Variants in CHCHD6 observed in about 807,000 individuals in gnomAD.
The protein encoded by CHCHD6 is MICOS complex subunit MIC25.
CHCHD6 carries 28 observed loss-of-function variants against 32.3 expected under a neutral mutation model. The ratio of observed to expected loss-of-function variants is 0.87; its 90% CI spans 0.64 to 1.19. CHCHD6 has a LOEUF of 1.19. Ranked by LOEUF, CHCHD6 falls within the 50% of genes most tolerant of loss-of-function variation. The probability of loss-of-function intolerance (pLI) is 0.00; values close to 1 mark genes in which losing one functional copy is unlikely to be tolerated. For missense variants in CHCHD6, 333 were observed against 307.0 expected, an observed-to-expected ratio of 1.08 and a Z score of -0.63; for synonymous variants, 122 against 117.5, an observed-to-expected ratio of 1.04 and a Z score of -0.25.
chr3:126,858,801 C>A (rs1240104275), intron 5 of CHCHD6, among the ~76,000 whole-genome samples: 1 of 152,186 alleles, frequency 6.6e-6, no homozygotes, highest in East Asian at 1.9e-4. Flanking sequence ...TGCTCCATGT[C>A]CATTCAGTCT....
At chr3:126,901,011 C>A (rs954151990) in intron 5 of CHCHD6, among the ~76,000 whole-genome samples, 1 of 152,100 alleles carries the variant, frequency 6.6e-6, no homozygotes, top group Non-Finnish European at 1.5e-5. Flanking sequence ...GCAAACACCC[C>A]CCCCAGGCCC....
chr3:126,811,425 T>A (rs549569226), intron 4 of CHCHD6, among the ~76,000 whole-genome samples: 98 of 152,320 alleles, frequency 6.4e-4, no homozygotes, highest in Non-Finnish European at 1.6e-4. Context: ...TCTCAAGTTT[T>A]AAGTGTTGGC....
intron 4 of CHCHD6, among the ~76,000 whole-genome samples, chr3:126,760,181 C>A (rs1937109012): frequency 6.6e-6 from 1 of 152,188 alleles, no homozygotes; most frequent in Admixed American, 6.5e-5. Flanking sequence ...AATACCCAAA[C>A]TATATCAGGT....
intron 5 of CHCHD6, among the ~76,000 whole-genome samples, chr3:126,913,982 G>A (rs2078132918): frequency 6.6e-6 from 1 of 152,238 alleles, no homozygotes; most frequent in South Asian, 2.1e-4. Flanking sequence ...ACCTGGGTCT[G>A]TAGGTGCACA....
Position 126,957,453 on chromosome 3 carries a change from G to C in CHCHD6, c.604G>C (p.Ala202Pro), listed in dbSNP as rs956396744. 1 of 1,611,266 alleles carries C rather than the reference G, an allele frequency of 6.2e-7. No individual in the cohort carries two copies. Among genetic ancestry groups the C allele is most frequent in the East Asian group, 2.2e-5 (1 of 44,714 alleles). The change falls in exon 7 of 8, where the codon GCC (alanine) becomes CCC (proline). Residue 202 changes from alanine to proline, a missense_variant. Physicochemically the swap from Ala to Pro is conservative, Grantham distance 27. Coordinates refer to ENST00000290913, the MANE Select transcript of CHCHD6 (RefSeq NM_032343.3). ...GGAGCCCGTCTGCTCAGGGTTGCAGGCCCAGATTCTCCACTGCTACCGAGA... is the reference window on the plus strand; with the variant it reads ...GGAGCCCGTCTGCTCAGGGTTGCAGCCCCAGATTCTCCACTGCTACCGAGA... ...RVEPVCSGLQ[A>P]QILHCYRDRP...
chr3:126,882,393 G>A (rs2077622665), intron 5 of CHCHD6, among the ~76,000 whole-genome samples: 2 of 152,338 alleles, frequency 1.3e-5, no homozygotes, highest in South Asian at 2.1e-4. Context: ...GGAAGGTGCT[G>A]TGAAGATTCT....
At chr3:126,783,645 T>G (rs1376604348) in intron 4 of CHCHD6, among the ~76,000 whole-genome samples, 1 of 152,248 alleles carries the variant, frequency 6.6e-6, no homozygotes, top group Non-Finnish European at 1.5e-5. Context: ...AATAATGACC[T>G]ATCTGAAAAA....
chr3:126,805,360 A>G (rs1939313777), intron 4 of CHCHD6, among the ~76,000 whole-genome samples: 1 of 152,180 alleles, frequency 6.6e-6, no homozygotes, highest in Non-Finnish European at 1.5e-5. Flanking sequence ...AAGTCTCAGG[A>G]TACAAAATCA....
chr3:126,734,907 T>G (rs186951035), intron 4 of CHCHD6, among the ~76,000 whole-genome samples: 9 of 152,240 alleles, frequency 5.9e-5, no homozygotes, highest in Non-Finnish European at 1.0e-4. Flanking sequence ...CCTGAAACAG[T>G]CAATGGTTCC....
At chr3:126,916,511 G>A (rs1183488866) in intron 6 of CHCHD6, among the ~76,000 whole-genome samples, 1 of 152,194 alleles carries the variant, frequency 6.6e-6, no homozygotes, top group Admixed American at 6.5e-5. Context: ...GACAAGGACA[G>A]GTGTTGAGGT....
chr3:126,711,596 C>G (rs1934750413), intron 1 of CHCHD6, among the ~76,000 whole-genome samples: 2 of 152,218 alleles, frequency 1.3e-5, no homozygotes, highest in African/African-American at 4.8e-5. Flanking sequence ...CAGACCTGGA[C>G]TTATGCCCTG....
chr3:126,937,670 T>C (rs1179898775), intron 6 of CHCHD6, among the ~76,000 whole-genome samples: 2 of 152,368 alleles, frequency 1.3e-5, no homozygotes, highest in East Asian at 1.9e-4. Flanking sequence ...CCTGTCTGCA[T>C]GGGTTTGCTC....
At position 126,957,421 on chromosome 3, in the gene CHCHD6, G is replaced by T. The variant is rs115994545; in HGVS notation, c.572G>T (p.Arg191Leu). 3.7e-6 allele frequency: 6 copies of T among 1,610,450 alleles called. No homozygotes were observed. In the East Asian group the frequency reaches 6.7e-5, roughly 18 times the overall value. ...CCTGCTCTTGTCTTCTGCAGGCCCC[G>T]CAGGGTGGAGCCCGTCTGCTCAGGG... is the stretch of plus-strand genomic sequence containing the variant. ...ASKMESTIKP[R>L]RVEPVCSGLQ... Residue 191 changes from arginine to leucine, a missense_variant, in exon 7 of 8, where the codon CGC becomes CTC. Coordinates refer to ENST00000290913, the MANE Select transcript of CHCHD6 (RefSeq NM_032343.3).
At chr3:126,725,194 A>G (rs1935477051) in intron 1 of CHCHD6, among the ~76,000 whole-genome samples, 1 of 152,212 alleles carries the variant, frequency 6.6e-6, no homozygotes, top group African/African-American at 2.4e-5. Context: ...TGAATTTCTT[A>G]AATAATAAGA....
At chr3:126,915,224 C>T (rs2078152240) in intron 6 of CHCHD6, among the ~76,000 whole-genome samples, 1 of 152,258 alleles carries the variant, frequency 6.6e-6, no homozygotes. Flanking sequence ...GCCCACACTT[C>T]ATGCCCAGAG....
intron 6 of CHCHD6, among the ~76,000 whole-genome samples, chr3:126,939,202 C>G (rs2078524212): frequency 1.3e-5 from 2 of 152,096 alleles, no homozygotes; most frequent in South Asian, 4.1e-4. Context: ...GGGAACACAG[C>G]TGGGACAGGA....
chr3:126,842,123 A>G (rs1941111086), intron 4 of CHCHD6, among the ~76,000 whole-genome samples: 1 of 152,072 alleles, frequency 6.6e-6, no homozygotes, highest in South Asian at 2.1e-4. Flanking sequence ...GCATGGCAGC[A>G]TGCGCCTGTA....
rs568170797 is a variant in CHCHD6, at chr3:126,789,631, G to C, written c.411+56409G>C. Among the ~76,000 whole-genome samples the C allele has an allele frequency of 8.1e-4, 124 of 152,274 alleles. 1 individual carries two copies. Among genetic ancestry groups the C allele is most frequent in the African/African-American group, 3.0e-3 (124 of 41,552 alleles). The stretch of plus-strand genomic sequence containing the variant: ...TGGTTTAAAGTCTGTTTGATTATCA[G>C]AGACTAGGATTGTAATCCCTGCCTT... On this transcript the variant is annotated intron_variant, in intron 4 of 7. Transcript: ENST00000290913.
chr3:126,943,169 T>G (rs1370945097), intron 6 of CHCHD6, among the ~76,000 whole-genome samples: 1 of 152,158 alleles, frequency 6.6e-6, no homozygotes, highest in Non-Finnish European at 1.5e-5. Flanking sequence ...CTGCCTTAGC[T>G]GCAAGCAGGC....
Sources: gnomAD v4.1 joint callset for allele counts (sites outside exome capture counted in the v4.1 genomes callset) on GRCh38, gnomAD v4.1.1 for gene constraint, MANE v1.5 for transcripts, NCBI Gene and HGNC (gene_info 2026-07-23, HGNC 2026-07-21) for gene names.